The following LYZL4 variants were observed in gnomAD, a reference collection of about 807,000 sequenced individuals.
LYZL4 encodes lysozyme-like protein 4.
In LYZL4, 13 loss-of-function variants were observed where a neutral mutation model predicts 17.6. The observed-to-expected ratio is 0.74, with a 90% CI of 0.48 to 1.18. LYZL4 has a LOEUF of 1.18. Ranked by LOEUF, LYZL4 falls within the 50% of genes most tolerant of loss-of-function variation. The pLI is 0.00. For missense variants in LYZL4, 174 were observed against 188.2 expected, an observed-to-expected ratio of 0.92 and a Z score of 0.44; for synonymous variants, 64 against 67.7, an observed-to-expected ratio of 0.95 and a Z score of 0.27.
the LYZL4 span, among the ~76,000 whole-genome samples, chr3:42,377,313 G>A: frequency 3.3e-5 from 5 of 152,080 alleles, no homozygotes; most frequent in East Asian, 7.7e-4. Flanking sequence ...TTTCTGGGTT[G>A]AAAAAATCTC....
At chr3:42,395,533 C>G (rs1457063080), downstream of LYZL4, among the ~76,000 whole-genome samples, 1 of 152,096 alleles carries the variant, frequency 6.6e-6, no homozygotes, top group Non-Finnish European at 1.5e-5. Flanking sequence ...GATATACACA[C>G]GAAAAGTTTC....
At chr3:42,382,196 T>A in the LYZL4 span, among the ~76,000 whole-genome samples, 3 of 152,262 alleles carry the variant, frequency 2.0e-5, no homozygotes, top group Admixed American at 2.0e-4. Context: ...TTTGGTGGAT[T>A]GGGCTGTGCA....
At chr3:42,390,403 A>G in the LYZL4 span, among the ~76,000 whole-genome samples, 1 of 152,184 alleles carries the variant, frequency 6.6e-6, no homozygotes, top group South Asian at 2.1e-4. Context: ...CTCAACAACA[A>G]CGATTTCTCT....
chr3:42,364,298 C>G, the LYZL4 span, among the ~76,000 whole-genome samples: 1 of 151,956 alleles, frequency 6.6e-6, no homozygotes, highest in African/African-American at 2.4e-5. Context: ...AATTATCTGG[C>G]CCCTTTTGTT....
At chr3:42,380,094 G>A in the LYZL4 span, among the ~76,000 whole-genome samples, 1 of 152,186 alleles carries the variant, frequency 6.6e-6, no homozygotes, top group African/African-American at 2.4e-5. Flanking sequence ...GGACTTTCAA[G>A]TCTTCAGAGC....
chr3:42,393,943 C>A (rs1698520103), downstream of LYZL4, among the ~76,000 whole-genome samples: 1 of 152,158 alleles, frequency 6.6e-6, no homozygotes, highest in South Asian at 2.1e-4. Flanking sequence ...AGGCATCCAC[C>A]ACCATACCCA....
At chr3:42,403,941 G>C (rs1698704005) in intron 4 of LYZL4, 105 bp downstream of exon 4, 2 of 756,952 alleles carry the variant, frequency 2.6e-6, no homozygotes, top group African/African-American at 1.8e-5. Context: ...GAGCCTTTTA[G>C]TTTTGGCACT....
At chr3:42,373,412 C>G in the LYZL4 span, among the ~76,000 whole-genome samples, 40,214 of 151,786 alleles carry the variant, frequency 0.26, 5,938 homozygotes, top group Non-Finnish European at 0.34. Context: ...TTGGGATGAC[C>G]TAGGGCAACA....
At chr3:42,407,858 CCT>C (rs1698787005) in intron 1 of LYZL4, among the ~76,000 whole-genome samples, 1 of 152,124 alleles carries the variant, frequency 6.6e-6, no homozygotes, top group Admixed American at 6.5e-5. Context: ...ACCAAACTCC[CCT>C]GAGTTTTTCC....
chr3:42,361,248 T>G, the LYZL4 span, among the ~76,000 whole-genome samples: 3 of 152,150 alleles, frequency 2.0e-5, no homozygotes, highest in African/African-American at 7.2e-5. Context: ...TGCAGCTTGA[T>G]TTTTTCCATC....
chr3:42,388,163 T>C, the LYZL4 span, among the ~76,000 whole-genome samples: 1 of 152,190 alleles, frequency 6.6e-6, no homozygotes, highest in Non-Finnish European at 1.5e-5. Flanking sequence ...AGGGGAGTCA[T>C]ATACAGGAAA....
intron 4 of LYZL4, 40 bp downstream of exon 4, chr3:42,404,006 A>T (rs1559455445): frequency 7.9e-6 from 11 of 1,385,164 alleles, no homozygotes; most frequent in Non-Finnish European, 1.1e-5. Context: ...ATCATGAGTG[A>T]AAGTCGTTAA....
the LYZL4 span, among the ~76,000 whole-genome samples, chr3:42,391,021 T>G: frequency 1.3e-5 from 2 of 152,164 alleles, no homozygotes; most frequent in Non-Finnish European, 2.9e-5. Flanking sequence ...AACCAGGTTC[T>G]CCGCTACCGA....
At chr3:42,367,116 A>G in the LYZL4 span, among the ~76,000 whole-genome samples, 1 of 152,154 alleles carries the variant, frequency 6.6e-6, no homozygotes, top group Admixed American at 6.5e-5. Flanking sequence ...GAAATAGTCA[A>G]TGCTTCCCTA....
chr3:42,406,731 C>T lies in LYZL4; in HGVS notation c.292+115G>A, dbSNP rs913423519. On this transcript the variant is annotated intron_variant, in intron 3 of 4. Coordinates refer to ENST00000287748, the MANE Select transcript of LYZL4 (RefSeq NM_144634.4). Reference sequence around the variant, plus strand: ...CAGGGACCCACCCTGGATATGGCTCCTGCCACACCCTCTTCTTTGTAAAAC... The same window carrying T: ...CAGGGACCCACCCTGGATATGGCTCTTGCCACACCCTCTTCTTTGTAAAAC... 3.0e-6 allele frequency: 4 copies of T among 1,340,282 alleles called. No homozygotes were observed. In the African/African-American group the frequency reaches 5.8e-5, roughly 19 times the overall value. 83.0% of individuals were successfully genotyped at this position (1,340,282 alleles called of 1,614,324 possible).
At chr3:42,377,625 C>CTCTGTGTGTGTGTG in the LYZL4 span, among the ~76,000 whole-genome samples, 7 of 143,788 alleles carry the variant, frequency 4.9e-5, no homozygotes, top group African/African-American at 7.9e-5. Context: ...GCATGACTCT[C>CTCTGTGTGTGTGTG]TGTGTGTGTG....
chr3:42,364,338 TTTC>T, the LYZL4 span, among the ~76,000 whole-genome samples: 2 of 128,266 alleles, frequency 1.6e-5, no homozygotes, highest in African/African-American at 6.5e-5. Flanking sequence ...TCCTTTTTCT[TTTC>T]TTTTTTTTTT....
intron 1 of LYZL4, among the ~76,000 whole-genome samples, chr3:42,408,321 C>T (rs889470196): frequency 2.0e-5 from 3 of 152,184 alleles, no homozygotes; most frequent in African/African-American, 4.8e-5. Flanking sequence ...TAAGTAAACT[C>T]AGAATTCTCA....
the LYZL4 span, among the ~76,000 whole-genome samples, chr3:42,370,891 C>T: frequency 2.5e-4 from 38 of 152,334 alleles, no homozygotes; most frequent in East Asian, 6.4e-3. Flanking sequence ...TCAGAACCTT[C>T]CTCATACGAT....
Sources: gnomAD v4.1 joint callset for allele counts (sites outside exome capture counted in the v4.1 genomes callset) on GRCh38, gnomAD v4.1.1 for gene constraint, MANE v1.5 for transcripts, NCBI Gene and HGNC (gene_info 2026-07-23, HGNC 2026-07-21) for gene names.